Variants in CSMD1 observed in about 807,000 individuals in gnomAD.
CSMD1 encodes CUB and Sushi multiple domains 1.
CSMD1 carries 213 observed loss-of-function variants against 417.5 expected under a neutral mutation model. That is an observed-to-expected ratio of 0.51 (90% CI 0.46 to 0.57). The LOEUF (loss-of-function observed/expected upper bound fraction) is 0.57, where lower values mean the gene tolerates loss of function less well. Ranked by LOEUF, CSMD1 falls within the 20% of genes least tolerant of loss-of-function variation. The pLI is 0.00. For missense variants in CSMD1, 6,923 were observed against 4,529.7 expected (o/e 1.53, Z -15.17); for synonymous variants, 2,862 against 1,736.8 (o/e 1.65, Z -16.11).
At chr8:3,978,270 C>G (rs1056257693) in intron 5 of CSMD1, among the ~76,000 whole-genome samples, 2 of 152,156 alleles carry the variant, frequency 1.3e-5, no homozygotes. Context: ...GACATGGGAG[C>G]CTCAGTCACC....
chr8:4,930,662 A>G (rs763232745), intron 1 of CSMD1, among the ~76,000 whole-genome samples: 6 of 152,176 alleles, frequency 3.9e-5, no homozygotes, highest in Non-Finnish European at 7.3e-5. Context: ...AAACATTAAT[A>G]TTTCCTACCC....
intron 6 of CSMD1, among the ~76,000 whole-genome samples, chr8:3,745,019 G>A (rs559495238): frequency 5.9e-5 from 9 of 152,042 alleles, no homozygotes; most frequent in Admixed American, 3.3e-4. Context: ...AGGATTCTCC[G>A]GGCAGTGAAT....
intron 4 of CSMD1, among the ~76,000 whole-genome samples, chr8:4,016,400 C>A (rs1266223293): frequency 3.9e-5 from 6 of 152,138 alleles, no homozygotes; most frequent in Non-Finnish European, 7.4e-5. Flanking sequence ...GAGCCAGTGG[C>A]AGAGAAGATG....
chr8:3,304,714 A>G (rs1297030461), intron 25 of CSMD1, among the ~76,000 whole-genome samples: 2 of 64,682 alleles, frequency 3.1e-5, no homozygotes, highest in African/African-American at 5.6e-5. Context: ...TTATTCAAAT[A>G]TTTTTTTATT....
At chr8:3,899,898 G>A (rs1055319009) in intron 5 of CSMD1, among the ~76,000 whole-genome samples, 8 of 152,208 alleles carry the variant, frequency 5.3e-5, no homozygotes, top group Non-Finnish European at 8.8e-5. Context: ...TTAAGAACTT[G>A]CTTAAAACAT....
intron 1 of CSMD1, among the ~76,000 whole-genome samples, chr8:4,665,723 C>G (rs1348488667): frequency 6.6e-6 from 1 of 152,084 alleles, no homozygotes; most frequent in African/African-American, 2.4e-5. Context: ...GAGTAGTGCT[C>G]TATGGTATGA....
At chr8:3,443,858 G>A (rs556348683) in intron 12 of CSMD1, among the ~76,000 whole-genome samples, 3 of 152,224 alleles carry the variant, frequency 2.0e-5, no homozygotes, top group East Asian at 1.9e-4. Flanking sequence ...GGAAATGTTG[G>A]TATTGCTTTC....
intron 21 of CSMD1, among the ~76,000 whole-genome samples, chr8:3,349,946 ATGTG>A (rs996928619): frequency 2.1e-5 from 3 of 145,278 alleles, no homozygotes; most frequent in African/African-American, 7.5e-5. Flanking sequence ...TATATATTAT[ATGTG>A]TATGTGTGTT....
chr8:4,717,275 G>T (rs1198591470), intron 1 of CSMD1, among the ~76,000 whole-genome samples: 1 of 145,850 alleles, frequency 6.9e-6, no homozygotes, highest in Non-Finnish European at 1.5e-5. Context: ...CCTCAAAGAA[G>T]CATCTCTGAC....
chr8:4,780,992 G>C (rs560047761), intron 1 of CSMD1, among the ~76,000 whole-genome samples: 1 of 152,290 alleles, frequency 6.6e-6, no homozygotes, highest in Non-Finnish European at 1.5e-5. Context: ...TCAAAGGTCA[G>C]TGTCTTACCT....
At chr8:3,959,285 C>G (rs1358757594) in intron 5 of CSMD1, among the ~76,000 whole-genome samples, 1 of 152,226 alleles carries the variant, frequency 6.6e-6, no homozygotes, top group East Asian at 1.9e-4. Context: ...GGACTTGAGG[C>G]CAGAAATGTG....
chr8:4,308,010 A>C (rs972902867), intron 3 of CSMD1, among the ~76,000 whole-genome samples: 1 of 152,140 alleles, frequency 6.6e-6, no homozygotes, highest in Non-Finnish European at 1.5e-5. Context: ...GTAAACAGTG[A>C]TGGTGGGCAT....
chr8:3,612,272 G>C (rs964555717), intron 8 of CSMD1, among the ~76,000 whole-genome samples: 4 of 152,084 alleles, frequency 2.6e-5, no homozygotes, highest in African/African-American at 9.7e-5. Context: ...TTAAACATTT[G>C]CGTACCTAAT....
At chr8:3,442,667 C>G (rs2117068393) in intron 12 of CSMD1, among the ~76,000 whole-genome samples, 1 of 152,300 alleles carries the variant, frequency 6.6e-6, no homozygotes, top group East Asian at 1.9e-4. Flanking sequence ...TTGAAATCAT[C>G]TAACAACACA....
rs1797572523 is a variant in CSMD1 at position 3,523,006 on chromosome 8, TACACACACCCACACACACACACAC to T, written c.1345-29304_1345-29281del. On this transcript the variant is annotated intron_variant, in intron 10 of 69. Coordinates refer to ENST00000635120, the MANE Select transcript of CSMD1 (RefSeq NM_033225.6). ...TACATACAAAATGGAGATACATATA[TACACACACCCACACACACACACAC>T]ACACACACACTACTCTTAAAAATAA... Among the ~76,000 whole-genome samples, 3 of 113,392 alleles carry T rather than the reference TACACACACCCACACACACACACAC, an allele frequency of 2.6e-5. No individual in the cohort carries two copies. The South Asian group carries it at 8.6e-4, about 32-fold the overall frequency. The allele number at this position is 113,392 out of a possible 152,430, so 74.4% of individuals were successfully genotyped here. A position where few individuals can be genotyped will look rare whatever the true frequency, so the allele number is the denominator to read the frequency against.
intron 1 of CSMD1, among the ~76,000 whole-genome samples, chr8:4,974,087 C>G (rs1810405180): frequency 6.6e-6 from 1 of 152,188 alleles, no homozygotes; most frequent in African/African-American, 2.4e-5. Context: ...GTGGTGCGAT[C>G]TTGGCTCACT....
In CSMD1 at chr8:4,877,743, A is replaced by G. The variant is rs1042069242; in HGVS notation, c.85+116589T>C. Reference sequence around the variant, plus strand: ...AGAGGAAGACAGACTATGTGTTTGCACTTTCAAAGGATGTATTCATGCCTG... The same window carrying G: ...AGAGGAAGACAGACTATGTGTTTGCGCTTTCAAAGGATGTATTCATGCCTG... On this transcript the variant is annotated intron_variant, in intron 1 of 69. Coordinates refer to ENST00000635120, the MANE Select transcript of CSMD1 (RefSeq NM_033225.6). Among the ~76,000 whole-genome samples, 10 of 152,256 alleles carry G rather than the reference A, an allele frequency of 6.6e-5. No individual in the cohort carries two copies. The South Asian group carries it at 1.9e-3, about 28-fold the overall frequency.
At chr8:3,239,080 C>G (rs947173479) in intron 26 of CSMD1, among the ~76,000 whole-genome samples, 1 of 152,182 alleles carries the variant, frequency 6.6e-6, no homozygotes, top group African/African-American at 2.4e-5. Flanking sequence ...CTGTAGCATT[C>G]TGAGGACAGA....
At chr8:4,053,785 T>C (rs960976433) in intron 3 of CSMD1, among the ~76,000 whole-genome samples, 1 of 152,188 alleles carries the variant, frequency 6.6e-6, no homozygotes, top group East Asian at 1.9e-4. Flanking sequence ...GATTAGAGAA[T>C]AAACCAGTAT....
Sources: allele counts gnomAD v4.1 joint callset (sites outside exome capture counted in the v4.1 genomes callset), GRCh38; gene constraint gnomAD v4.1.1; transcripts MANE v1.5; gene names NCBI Gene and HGNC (gene_info 2026-07-23, HGNC 2026-07-21).